Variants in WDFY4 observed in about 807,000 individuals in gnomAD.
WDFY4 encodes WDFY family member 4, also known as WD repeat- and FYVE domain-containing protein 4.
In WDFY4, 169 loss-of-function variants were observed where a neutral mutation model predicts 351.9. The observed-to-expected ratio is 0.48, with a 90% CI of 0.42 to 0.55. The LOEUF (loss-of-function observed/expected upper bound fraction) is 0.55, where lower values mean the gene tolerates loss of function less well. Ranked by LOEUF, WDFY4 falls within the 20% of genes least tolerant of loss-of-function variation. The pLI is 0.00. For missense variants in WDFY4, 3,803 were observed against 3,935.6 expected (o/e 0.97, Z 0.90); for synonymous variants, 1,622 against 1,574.6 (o/e 1.03, Z -0.71).
chr10:48,861,815 A>C (rs1388434313), intron 39 of WDFY4, among the ~76,000 whole-genome samples: 2 of 151,864 alleles, frequency 1.3e-5, no homozygotes, highest in Non-Finnish European at 2.9e-5. Flanking sequence ...TCTTTTTGGG[A>C]TTCTGATGAC....
chr10:48,831,834 G>A (rs1434386334), intron 38 of WDFY4, among the ~76,000 whole-genome samples: 9 of 152,098 alleles, frequency 5.9e-5, no homozygotes, highest in Non-Finnish European at 1.3e-4. Context: ...CTCCCATGTT[G>A]GAAGAGACAG....
chr10:48,927,465 T>A (rs1205109720), intron 47 of WDFY4, among the ~76,000 whole-genome samples: 1 of 152,162 alleles, frequency 6.6e-6, no homozygotes, highest in Non-Finnish European at 1.5e-5. Flanking sequence ...TCCCATTACG[T>A]CAAAACTTCC....
At chr10:48,958,108 C>T (rs1230314176) in intron 52 of WDFY4, among the ~76,000 whole-genome samples, 3 of 152,192 alleles carry the variant, frequency 2.0e-5, no homozygotes, top group Non-Finnish European at 4.4e-5. Flanking sequence ...GCACCTGAGC[C>T]AGGCCAGATG....
At chr10:48,924,059 G>A (rs541828958) in intron 47 of WDFY4, among the ~76,000 whole-genome samples, 2 of 152,306 alleles carry the variant, frequency 1.3e-5, no homozygotes, top group East Asian at 3.9e-4. Context: ...TCTCTCCAAA[G>A]GGCCCTTTGG....
At chr10:48,808,163 C>T (rs1462236294) in intron 28 of WDFY4, among the ~76,000 whole-genome samples, 4 of 152,222 alleles carry the variant, frequency 2.6e-5, no homozygotes, top group Admixed American at 2.6e-4. Flanking sequence ...GTTAAGTGGA[C>T]ATGAGTAACT....
intron 54 of WDFY4, among the ~76,000 whole-genome samples, chr10:48,966,071 G>A (rs147494986): frequency 5.4e-4 from 82 of 152,278 alleles, no homozygotes; most frequent in African/African-American, 1.8e-3. Context: ...AATGGATGCT[G>A]TTAAAGACTT....
chr10:48,826,410 C>T (rs925486492), intron 35 of WDFY4, among the ~76,000 whole-genome samples: 1 of 152,120 alleles, frequency 6.6e-6, no homozygotes, highest in African/African-American at 2.4e-5. Flanking sequence ...ATGATGCCTC[C>T]AGCTTTGTTT....
chr10:48,840,257 G>A (rs1386800639), intron 39 of WDFY4, among the ~76,000 whole-genome samples: 1 of 152,126 alleles, frequency 6.6e-6, no homozygotes, highest in Non-Finnish European at 1.5e-5. Flanking sequence ...TTCCCCAGAG[G>A]GACAGAGTCT....
chr10:48,924,514 G>A (rs955701661), intron 47 of WDFY4, among the ~76,000 whole-genome samples: 1 of 152,214 alleles, frequency 6.6e-6, no homozygotes, highest in Admixed American at 6.5e-5. Flanking sequence ...ACGAATGGAT[G>A]TATTTATGTA....
At chr10:48,713,491 A>G (rs920796784) in intron 2 of WDFY4, among the ~76,000 whole-genome samples, 6 of 152,248 alleles carry the variant, frequency 3.9e-5, no homozygotes, top group African/African-American at 1.4e-4. Flanking sequence ...GGTTTGTGGT[A>G]CAGTGAATCC....
chr10:48,717,069 G>A (rs1039746853), intron 2 of WDFY4, among the ~76,000 whole-genome samples: 12 of 152,290 alleles, frequency 7.9e-5, no homozygotes, highest in African/African-American at 2.6e-4. Context: ...CTTAAACTCC[G>A]GCTAAGCCTC....
At chr10:48,741,102 G>C (rs1488432959) in intron 11 of WDFY4, among the ~76,000 whole-genome samples, 2 of 151,590 alleles carry the variant, frequency 1.3e-5, no homozygotes, top group African/African-American at 4.8e-5. Context: ...CATATCCTTG[G>C]CTGCTGTTTC....
chr10:48,750,382 A>C (rs2065144095), intron 12 of WDFY4, among the ~76,000 whole-genome samples: 1 of 152,202 alleles, frequency 6.6e-6, no homozygotes, highest in Non-Finnish European at 1.5e-5. Flanking sequence ...CTGCCTGCCC[A>C]TGGCATGCAG....
chr10:48,813,342 A>G (rs1240219063), intron 30 of WDFY4, among the ~76,000 whole-genome samples: 1 of 152,236 alleles, frequency 6.6e-6, no homozygotes, highest in Non-Finnish European at 1.5e-5. Context: ...TACTAAGGTC[A>G]TTGATACCCT....
At chr10:48,946,785 A>G in intron 50 of WDFY4, 75 bp from the exon 51 acceptor site, 1 of 1,075,920 alleles carries the variant, frequency 9.3e-7, no homozygotes. Context: ...GTTCATGAAC[A>G]CAGTGTAGCA....
chr10:48,785,082 G>C (rs1006695887), intron 19 of WDFY4, among the ~76,000 whole-genome samples: 1 of 146,192 alleles, frequency 6.8e-6, no homozygotes, highest in Non-Finnish European at 1.5e-5. Context: ...GGATGGTCTC[G>C]ATCTCCTGAC....
intron 57 of WDFY4, among the ~76,000 whole-genome samples, chr10:48,973,807 C>T (rs1564542373): frequency 1.3e-5 from 2 of 152,364 alleles, no homozygotes; most frequent in South Asian, 4.1e-4. Context: ...GATCTGGACA[C>T]ACAGCCATCC....
chr10:48,975,147 T>C, intron 58 of WDFY4, 106 bp downstream of exon 58: 1 of 1,443,600 alleles, frequency 6.9e-7, no homozygotes, highest in Non-Finnish European at 9.5e-7. Context: ...CACCCCAGAA[T>C]GCTGAGAGGG....
At chr10:48,726,511 C>G (rs1229615218) in intron 6 of WDFY4, among the ~76,000 whole-genome samples, 1 of 152,178 alleles carries the variant, frequency 6.6e-6, no homozygotes, top group Non-Finnish European at 1.5e-5. Flanking sequence ...CTTAAAGATG[C>G]CTGATTCCGG....
Sources: allele counts gnomAD v4.1 joint callset (sites outside exome capture counted in the v4.1 genomes callset), GRCh38; gene constraint gnomAD v4.1.1; transcripts MANE v1.5; gene names NCBI Gene and HGNC (gene_info 2026-07-23, HGNC 2026-07-21).